Variants in PDE4D observed in about 807,000 individuals in gnomAD.
PDE4D encodes 3',5'-cyclic-AMP phosphodiesterase 4D.
In PDE4D, 24 loss-of-function variants were observed where a neutral mutation model predicts 87.4. The observed-to-expected ratio is 0.27, with a 90% CI of 0.20 to 0.39. The LOEUF is 0.39. Ranked by LOEUF, PDE4D falls within the 10% of genes least tolerant of loss-of-function variation. The pLI is 1.00. For missense variants in PDE4D, 714 were observed against 1,041.0 expected (o/e 0.69, Z 4.32); for synonymous variants, 384 against 383.2 (o/e 1.00, Z -0.02).
chr5:58,998,879 G>GC (rs1427327487), intron 6 of PDE4D, among the ~76,000 whole-genome samples: 1 of 152,156 alleles, frequency 6.6e-6, no homozygotes, highest in Admixed American at 6.5e-5. Context: ...AGCCTGCCAA[G>GC]CATGGACACA....
chr5:59,532,638 T>C (rs958209884), intron 1 of PDE4D, among the ~76,000 whole-genome samples: 11 of 152,232 alleles, frequency 7.2e-5, no homozygotes, highest in Non-Finnish European at 5.9e-5. Flanking sequence ...TCGGTCTTAG[T>C]ATCCTTACCT....
intron 1 of PDE4D, among the ~76,000 whole-genome samples, chr5:59,726,274 A>T (rs1169057390): frequency 6.6e-6 from 1 of 152,138 alleles, no homozygotes; most frequent in African/African-American, 2.4e-5. Flanking sequence ...TTCTACATAA[A>T]TCATAGCTTC....
chr5:59,845,533 G>C, intron 1 of PDE4D, among the ~76,000 whole-genome samples: 1 of 152,052 alleles, frequency 6.6e-6, no homozygotes, highest in East Asian at 1.9e-4. Flanking sequence ...AATATATTGG[G>C]ACATCTCAGG....
chr5:59,814,595 AG>A (rs1271637054), intron 1 of PDE4D, among the ~76,000 whole-genome samples: 2 of 152,198 alleles, frequency 1.3e-5, no homozygotes, highest in Non-Finnish European at 2.9e-5. Context: ...TGAACCTTGC[AG>A]GGGAGGACAT....
chr5:60,315,665 A>G (rs1367812750), intron 1 of PDE4D, among the ~76,000 whole-genome samples: 1 of 152,202 alleles, frequency 6.6e-6, no homozygotes, highest in Non-Finnish European at 1.5e-5. Flanking sequence ...ATTTTAGTAT[A>G]AGGTGCAAGG....
intron 1 of PDE4D, among the ~76,000 whole-genome samples, chr5:60,213,626 AT>A (rs1021759580): frequency 4.6e-5 from 7 of 152,054 alleles, no homozygotes; most frequent in African/African-American, 1.2e-4. Context: ...AACAGAATAA[AT>A]TTTTTTTAAA....
At chr5:59,711,388 G>A (rs1255030383) in intron 1 of PDE4D, among the ~76,000 whole-genome samples, 1 of 151,664 alleles carries the variant, frequency 6.6e-6, no homozygotes, top group African/African-American at 2.4e-5. Flanking sequence ...ATGTAAATTA[G>A]CTAAAAAAAT....
intron 1 of PDE4D, among the ~76,000 whole-genome samples, chr5:59,344,943 A>G: frequency 6.6e-6 from 1 of 152,178 alleles, no homozygotes; most frequent in South Asian, 2.1e-4. Flanking sequence ...TCACATTTTG[A>G]CATGGTACAA....
chr5:59,671,460 T>C (rs1747189597), intron 1 of PDE4D, among the ~76,000 whole-genome samples: 1 of 152,160 alleles, frequency 6.6e-6, no homozygotes, highest in African/African-American at 2.4e-5. Flanking sequence ...ATCATGATAA[T>C]TATCTTTCTA....
chr5:59,361,504 C>T (rs944661044), intron 1 of PDE4D, among the ~76,000 whole-genome samples: 28 of 152,054 alleles, frequency 1.8e-4, no homozygotes, highest in African/African-American at 6.5e-4. Context: ...AAATAAAAAT[C>T]CTACTTAGCT....
chr5:60,189,582 G>C (rs1317182752), intron 1 of PDE4D, among the ~76,000 whole-genome samples: 2 of 152,134 alleles, frequency 1.3e-5, no homozygotes, highest in African/African-American at 4.8e-5. Flanking sequence ...CATACATAAT[G>C]ACATCCTTAA....
chr5:59,742,948 G>T (rs916917334), intron 1 of PDE4D, among the ~76,000 whole-genome samples: 4 of 152,114 alleles, frequency 2.6e-5, no homozygotes, highest in Admixed American at 2.6e-4. Context: ...AATAGCTGAG[G>T]TTTACCACTT....
chr5:59,690,471 G>A (rs1750720082), intron 1 of PDE4D, among the ~76,000 whole-genome samples: 1 of 152,140 alleles, frequency 6.6e-6, no homozygotes, highest in African/African-American at 2.4e-5. Flanking sequence ...AATGGGGAAA[G>A]GATTCCCTAT....
At chr5:60,204,641 G>A (rs1323337496) in intron 1 of PDE4D, among the ~76,000 whole-genome samples, 3 of 147,346 alleles carry the variant, frequency 2.0e-5, no homozygotes, top group Non-Finnish European at 4.6e-5. Flanking sequence ...AGTGGTAGAG[G>A]TGAGATCCAA....
intron 1 of PDE4D, among the ~76,000 whole-genome samples, chr5:60,465,295 T>C (rs941228031): frequency 1.3e-5 from 2 of 152,200 alleles, no homozygotes; most frequent in African/African-American, 2.4e-5. Flanking sequence ...CTTTTCACTA[T>C]GCTTTAGATC....
chr5:60,108,281 A>G (rs1777259266), intron 2 of PDE4D, among the ~76,000 whole-genome samples: 2 of 151,736 alleles, frequency 1.3e-5, no homozygotes, highest in Admixed American at 1.3e-4. Flanking sequence ...AGAATAAAAT[A>G]CCTAGGAATC....
chr5:60,032,235 A>G (rs945208023), intron 2 of PDE4D, among the ~76,000 whole-genome samples: 5 of 152,204 alleles, frequency 3.3e-5, no homozygotes, highest in African/African-American at 1.2e-4. Context: ...ATAATTAATG[A>G]CTTCTTGGAT....
chr5:60,179,268 T>C (rs895187972), intron 2 of PDE4D, among the ~76,000 whole-genome samples: 1 of 152,124 alleles, frequency 6.6e-6, no homozygotes, highest in African/African-American at 2.4e-5. Flanking sequence ...TTGGCCTTGC[T>C]GTCATGGCTT....
chr5:59,782,336 G>A (rs1764717894), intron 1 of PDE4D, among the ~76,000 whole-genome samples: 2 of 152,176 alleles, frequency 1.3e-5, no homozygotes, highest in South Asian at 4.1e-4. Context: ...CTTAGGCTTA[G>A]TACCCACTTT....
Sources: gnomAD v4.1 joint callset for allele counts (sites outside exome capture counted in the v4.1 genomes callset) on GRCh38, gnomAD v4.1.1 for gene constraint, MANE v1.5 for transcripts, NCBI Gene and HGNC (gene_info 2026-07-23, HGNC 2026-07-21) for gene names.